RYR2: variants seen among roughly 807,000 people sequenced by gnomAD.
The protein encoded by RYR2 is cardiac muscle ryanodine receptor-calcium release channel.
Under a neutral mutation model 601.1 loss-of-function variants are expected in RYR2, and 227 were observed. That is an observed-to-expected ratio of 0.38 (90% CI 0.34 to 0.42). RYR2 has a LOEUF of 0.42. RYR2 is among the 10% of genes least tolerant of loss of function. The pLI is 1.00. For synonymous variants in RYR2, 2,223 were observed against 2,175.1 expected (o/e 1.02, Z -0.61); for missense variants, 4,646 against 6,156.5 (o/e 0.75, Z 8.21).
At chr1:237,341,535 T>C in intron 3 of RYR2, 1 of 434,168 alleles carries the variant, frequency 2.3e-6, no homozygotes, top group Non-Finnish European at 4.7e-6. Flanking sequence ...GTCTGTTTAT[T>C]GCCTTCCTAT....
At chr1:237,655,744 T>C in intron 52 of RYR2, 77 bp from the exon 53 acceptor site, 1 of 1,362,988 alleles carries the variant, frequency 7.3e-7, no homozygotes, top group Non-Finnish European at 9.9e-7. Context: ...TTCTGCAACC[T>C]TCTGTCAGCC....
intron 3 of RYR2, among the ~76,000 whole-genome samples, chr1:237,354,573 G>A (rs993986808): frequency 2.0e-5 from 3 of 151,760 alleles, no homozygotes; most frequent in African/African-American, 7.3e-5. Context: ...ATAAAAATTC[G>A]CCCTTTTAGA....
chr1:237,369,705 T>C, intron 6 of RYR2, 97 bp downstream of exon 6: 1 of 929,748 alleles, frequency 1.1e-6, no homozygotes, highest in East Asian at 2.6e-5. Flanking sequence ...TGCAATGGTA[T>C]TAATGAGCTT....
intron 4 of RYR2, among the ~76,000 whole-genome samples, chr1:237,363,520 T>C (rs1179893162): frequency 1.3e-5 from 2 of 152,112 alleles, no homozygotes; most frequent in Admixed American, 1.3e-4. Context: ...AACTAGTGTC[T>C]CTATGGTATC....
intron 96 of RYR2, 51 bp from the exon 97 acceptor site, chr1:237,797,986 G>A (rs960440364): frequency 2.0e-6 from 3 of 1,507,996 alleles, no homozygotes; most frequent in African/African-American, 1.4e-5. Flanking sequence ...ACATATAGAT[G>A]ATGTTACTTA....
Position 237,491,931 on chromosome 1 carries a change from G to T in RYR2, c.1827+7G>T. ...ACATGGAAGAAATCACAAGGTAAATGAACTATTTTATTTCCCTGAATGAAT... is the reference window on the plus strand; with the variant it reads ...ACATGGAAGAAATCACAAGGTAAATTAACTATTTTATTTCCCTGAATGAAT... On this transcript the variant is annotated splice_region_variant and intron_variant, in intron 18 of 104. Coordinates refer to ENST00000366574, the MANE Select transcript of RYR2 (RefSeq NM_001035.3). The T allele has an allele frequency of 1.8e-6, 2 of 1,100,776 alleles. No individual in the cohort carries two copies. Among genetic ancestry groups the T allele is most frequent in the South Asian group, 1.4e-5 (1 of 70,104 alleles). The allele number at this position is 1,100,776 out of a possible 1,614,324, so 68.2% of individuals were successfully genotyped here.
intron 1 of RYR2, among the ~76,000 whole-genome samples, chr1:237,047,655 C>T (rs1032473996): frequency 2.0e-5 from 3 of 152,114 alleles, no homozygotes; most frequent in African/African-American, 7.2e-5. Flanking sequence ...TCCCTATTCC[C>T]TTAGATTCCT....
At chr1:237,688,510 A>G (rs1423550349) in intron 63 of RYR2, among the ~76,000 whole-genome samples, 1 of 152,078 alleles carries the variant, frequency 6.6e-6, no homozygotes, top group Non-Finnish European at 1.5e-5. Context: ...GGTTATTGCT[A>G]TATTTGGTTT....
At chr1:237,205,797 A>G (rs1177497858) in intron 1 of RYR2, among the ~76,000 whole-genome samples, 1 of 152,094 alleles carries the variant, frequency 6.6e-6, no homozygotes, top group African/African-American at 2.4e-5. Flanking sequence ...TGAGGCCCCC[A>G]CTCTTCCTGC....
At chr1:237,264,696 A>AT (rs1188337232) in intron 1 of RYR2, among the ~76,000 whole-genome samples, 1 of 142,166 alleles carries the variant, frequency 7.0e-6, no homozygotes, top group Non-Finnish European at 1.5e-5. Flanking sequence ...TATTATTATT[A>AT]TTATTTTTTT....
At chr1:237,654,985 T>C (rs1683101878) in intron 52 of RYR2, among the ~76,000 whole-genome samples, 3 of 152,236 alleles carry the variant, frequency 2.0e-5, no homozygotes, top group Admixed American at 2.0e-4. Flanking sequence ...GTTTTGTGTG[T>C]TCATCCTTAA....
At chr1:237,373,758 G>A (rs1001598341) in intron 6 of RYR2, among the ~76,000 whole-genome samples, 1 of 152,200 alleles carries the variant, frequency 6.6e-6, no homozygotes, top group Non-Finnish European at 1.5e-5. Context: ...GGAAATGCAC[G>A]TGTATGTAGA....
In RYR2 at chr1:237,700,292, T is replaced by A; in HGVS notation, c.9192T>A (p.Ala3064=). 1 of 1,591,240 alleles carries A rather than the reference T, an allele frequency of 6.3e-7. No homozygotes were observed. The highest frequency in any genetic ancestry group is 8.6e-7 in the Non-Finnish European group (1 of 1,167,950). ...KSALRAFLDN[A]AEDLEKTMEN... is the part of the protein sequence containing the mutation. ...CACTCAGAGCTTTTCTGGACAACGC[T>A]GCAGAGGATCTGGAGAAGACCATGG... The change falls in exon 65 of 105, where the codon GCT becomes GCA. Residue 3064 remains alanine, a synonymous_variant. Coordinates refer to ENST00000366574, the MANE Select transcript of RYR2 (RefSeq NM_001035.3).
chr1:237,359,902 G>A (rs1488944877), intron 4 of RYR2, among the ~76,000 whole-genome samples: 1 of 152,166 alleles, frequency 6.6e-6, no homozygotes, highest in African/African-American at 2.4e-5. Context: ...GGAGGCCTAG[G>A]AATCAGGTCA....
chr1:237,540,505 G>A (rs560359367), intron 25 of RYR2, among the ~76,000 whole-genome samples: 5 of 152,044 alleles, frequency 3.3e-5, no homozygotes, highest in East Asian at 1.9e-4. Context: ...TCAGGGGTTC[G>A]AGACCAGCCT....
At chr1:237,638,877 G>A (rs1044026957) in intron 45 of RYR2, 138 bp from the exon 46 acceptor site, 29 of 1,027,108 alleles carry the variant, frequency 2.8e-5, no homozygotes, top group Non-Finnish European at 3.7e-5. Flanking sequence ...CTAGCAATTA[G>A]GATTACATTT....
intron 2 of RYR2, among the ~76,000 whole-genome samples, chr1:237,302,725 C>T (rs1222654738): frequency 6.6e-6 from 1 of 152,272 alleles, no homozygotes; most frequent in Non-Finnish European, 1.5e-5. Flanking sequence ...AATCCCAGCT[C>T]TATCATTTAT....
intron 16 of RYR2, among the ~76,000 whole-genome samples, chr1:237,466,278 T>C (rs1462667171): frequency 6.6e-6 from 1 of 152,072 alleles, no homozygotes; most frequent in Non-Finnish European, 1.5e-5. Context: ...CAATCTTCCC[T>C]CCTCAGCCTC....
intron 25 of RYR2, among the ~76,000 whole-genome samples, chr1:237,540,360 T>A (rs1488830679): frequency 6.6e-6 from 1 of 152,272 alleles, no homozygotes; most frequent in African/African-American, 2.4e-5. Context: ...TTAGCACTTA[T>A]CTATTATGAA....
Sources: allele counts gnomAD v4.1 joint callset (sites outside exome capture counted in the v4.1 genomes callset), GRCh38; gene constraint gnomAD v4.1.1; transcripts MANE v1.5; gene names NCBI Gene and HGNC (gene_info 2026-07-23, HGNC 2026-07-21).